Variants in IDUA observed in about 807,000 individuals in gnomAD.
The protein encoded by IDUA is alpha-L-iduronidase, also known as iduronidase alpha-L-.
IDUA carries 65 observed loss-of-function variants against 68.9 expected under a neutral mutation model. The observed-to-expected ratio is 0.94, with a 90% CI of 0.77 to 1.16. The LOEUF (loss-of-function observed/expected upper bound fraction) is 1.16, where lower values mean the gene tolerates loss of function less well. Ranked by LOEUF, IDUA falls within the 50% of genes most tolerant of loss-of-function variation. The pLI is 0.00. For missense variants in IDUA, 1,046 were observed against 938.0 expected (o/e 1.12, Z -1.50); for synonymous variants, 529 against 433.6 (o/e 1.22, Z -2.73).
chr4:1,001,624 A>G, intron 5 of IDUA, 55 bp from the exon 6 acceptor site: 1 of 1,608,476 alleles, frequency 6.2e-7, no homozygotes, highest in East Asian at 2.2e-5. Flanking sequence ...GCAGGAGCAG[A>G]GGCTAAGCCG....
At chr4:996,703 C>T (rs1175954168) in intron 2 of IDUA, among the ~76,000 whole-genome samples, 2 of 152,208 alleles carry the variant, frequency 1.3e-5, no homozygotes, top group African/African-American at 4.8e-5. Context: ...ATCCTTGGGG[C>T]CTGACCTGCC....
rs1713794298 is a variant in IDUA at position 987,184 on chromosome 4, G to C, written c.100G>C (p.Val34Leu). ...APAEAPHLVH[V>L]DAARALWPLR... Reference sequence around the variant, plus strand: ...GGCCGAGGCCCCGCACCTGGTGCATGTGGACGCGGCCCGCGCGCTGTGGCC... The same window carrying C: ...GGCCGAGGCCCCGCACCTGGTGCATCTGGACGCGGCCCGCGCGCTGTGGCC... Residue 34 changes from valine to leucine, a missense_variant, in exon 1 of 14, where the codon GTG becomes CTG. Val to Leu is a conservative substitution (Grantham distance 32). Transcript: ENST00000514224. The C allele has an allele frequency of 6.8e-7, 1 of 1,473,610 alleles. No individual in the cohort carries two copies. The highest frequency in any genetic ancestry group is 3.0e-5 in the East Asian group (1 of 33,734). 91.3% of individuals were successfully genotyped at this position (1,473,610 alleles called of 1,614,324 possible). A position where few individuals can be genotyped will look rare whatever the true frequency, so the allele number is the denominator to read the frequency against.
intron 2 of IDUA, among the ~76,000 whole-genome samples, chr4:998,515 C>T (rs935614683): frequency 1.2e-4 from 18 of 152,276 alleles, no homozygotes; most frequent in South Asian, 6.2e-4. Flanking sequence ...GCGTGGCGTC[C>T]GCAGGAAGCC....
intron 2 of IDUA, chr4:990,522 G>A: frequency 4.3e-6 from 3 of 704,418 alleles, no homozygotes. Flanking sequence ...ACACGGGCCT[G>A]AGTTCTGGTT....
Position 989,396 on chromosome 4 carries a change from G to A in IDUA, c.299+1447G>A, listed in dbSNP as rs375537240. 1.0e-4 allele frequency: 161 copies of A among 1,564,368 alleles called. No individual in the cohort carries two copies. Among genetic ancestry groups the A allele is most frequent in the Middle Eastern group, 3.3e-4 (2 of 6,022 alleles). ...TCGTAGAAGGCCGTGTCCCCGATGC[G>A]GGCCAGCAGGGCGGTGCGTGGGCGT... On this transcript the variant is annotated intron_variant, in intron 2 of 13. Transcript: ENST00000514224.
At chr4:996,547 GT>G (rs1714753218) in intron 2 of IDUA, among the ~76,000 whole-genome samples, 2 of 152,200 alleles carry the variant, frequency 1.3e-5, no homozygotes, top group Non-Finnish European at 2.9e-5. Context: ...CTGTGGTGAG[GT>G]TTTAGGCAGG....
chr4:992,134 C>T lies in IDUA; in HGVS notation c.299+4185C>T, dbSNP rs185927467. The T allele has an allele frequency of 6.4e-5, 31 of 482,364 alleles. 1 individual carries two copies. In the East Asian group the frequency reaches 6.7e-4, roughly 10 times the overall value. The allele number at this position is 482,364 out of a possible 1,614,324, so 29.9% of individuals were successfully genotyped here. A position where few individuals can be genotyped will look rare whatever the true frequency, so the allele number is the denominator to read the frequency against. ...GCAGGAACAGGCTGGGCTGCCACCA[C>T]GCACATGTGCCTACCGTCAGAATGT... On this transcript the variant is annotated intron_variant, in intron 2 of 13. Transcript: ENST00000514224.
chr4:996,277 C>CA (rs1714740738), intron 2 of IDUA, among the ~76,000 whole-genome samples: 1 of 152,188 alleles, frequency 6.6e-6, no homozygotes, highest in Admixed American at 6.5e-5. Flanking sequence ...CAGATAAGGG[C>CA]CCCTCTGGGT....
rs574025652 is a variant in IDUA, at chr4:1,000,628, G to T, written c.316G>T (p.Gly106Cys). 6.2e-7 allele frequency: 1 copy of T among 1,612,522 alleles called. No homozygotes were observed. Among genetic ancestry groups the T allele is most frequent in the African/African-American group, 1.3e-5 (1 of 74,940 alleles). Residue 106 changes from glycine to cysteine, a missense_variant, in exon 3 of 14, where the codon GGC becomes TGC. Physicochemically the swap from Gly to Cys is radical, Grantham distance 159. Coordinates refer to ENST00000514224, the MANE Select transcript of IDUA (RefSeq NM_000203.5). The stretch of plus-strand genomic sequence containing the variant: ...CTTCTGCAGGGGGTCCACTGGACGG[G>T]GCCTGAGCTACAACTTCACCCACCT... ...LVTTRGSTGR[G>C]LSYNFTHLDG...
At chr4:997,735 C>T (rs1714827656) in intron 2 of IDUA, among the ~76,000 whole-genome samples, 1 of 152,288 alleles carries the variant, frequency 6.6e-6, no homozygotes, top group Non-Finnish European at 1.5e-5. Flanking sequence ...AAGGCCCCTC[C>T]CAATGGGGGC....
chr4:989,194 AC>A (rs748817496), intron 2 of IDUA: 18 of 1,605,672 alleles, frequency 1.1e-5, no homozygotes, highest in East Asian at 2.2e-5. Context: ...TCCCTCACCG[AC>A]CCCCGTCTCT....
chr4:1,001,134 G>C (rs1715047151), intron 4 of IDUA, 145 bp downstream of exon 4: 2 of 678,260 alleles, frequency 2.9e-6, no homozygotes, highest in East Asian at 5.5e-5. Context: ...GGTGACAAGG[G>C]ATAGGTTGGT....
At chr4:1,003,773 A>C (rs1715274532) in intron 12 of IDUA, 148 bp downstream of exon 12, 2 of 934,772 alleles carry the variant, frequency 2.1e-6, no homozygotes, top group African/African-American at 1.6e-5. Flanking sequence ...TTCACCCCAC[A>C]CACTGTGGGC....
In IDUA at chr4:1,001,721, C is replaced by T; in HGVS notation, c.632C>T (p.Ala211Val). The change falls in exon 6 of 14, where the codon GCC becomes GTC. Residue 211 changes from alanine to valine, a missense_variant. Transcript: ENST00000514224. The part of the protein sequence containing the change: ...YYDACSEGLR[A>V]ASPALRLGGP... The stretch of plus-strand genomic sequence containing the variant: ...GATGCCTGCTCGGAGGGTCTGCGCG[C>T]CGCCAGCCCCGCCCTGCGGCTGGGA... The T allele has an allele frequency of 1.3e-6, 2 of 1,598,752 alleles. No individual in the cohort carries two copies. The highest frequency in any genetic ancestry group is 1.7e-6 in the Non-Finnish European group (2 of 1,178,568).
rs56926094 is a variant in IDUA, at chr4:1,000,370, C to T, written c.300-242C>T. ...GAGCCTCAGAGCCATTCCGAACCCCCACCCCAAGTTTTCCATCTCTTGATG... is the reference window on the plus strand; with the variant it reads ...GAGCCTCAGAGCCATTCCGAACCCCTACCCCAAGTTTTCCATCTCTTGATG... On this transcript the variant is annotated intron_variant, in intron 2 of 13. Coordinates refer to ENST00000514224, the MANE Select transcript of IDUA (RefSeq NM_000203.5). 3.8e-3 allele frequency among the ~76,000 whole-genome samples: 583 copies of T among 152,352 alleles called. 8 individuals are homozygous for T. Among genetic ancestry groups the T allele is most frequent in the African/African-American group, 0.013 (560 of 41,576 alleles).
In IDUA at chr4:1,002,037, T is replaced by C. The variant is rs555091763; in HGVS notation, c.848T>C (p.Ile283Thr). 1.6e-5 allele frequency: 26 copies of C among 1,598,496 alleles called. No individual in the cohort carries two copies. In the South Asian group the frequency reaches 2.8e-4, roughly 17 times the overall value. The change falls in exon 7 of 14, where the codon ATC becomes ACC. Residue 283 changes from isoleucine (I) to threonine (T), a missense_variant. Transcript: ENST00000514224. ...CAGGAGAAGGTCGTCGCGCAGCAGA[T>C]CCGGCAGCTCTTCCCCAAGTTCGCG... ...LEQEKVVAQQ[I>T]RQLFPKFADT...
intron 12 of IDUA, 142 bp from the exon 13 acceptor site, chr4:1,003,870 A>C: frequency 1.2e-6 from 1 of 856,014 alleles, no homozygotes. Context: ...CTGCCTGGGC[A>C]GGAAGAGTGC....
At chr4:998,246 A>C (rs779640255) in intron 2 of IDUA, among the ~76,000 whole-genome samples, 1 of 152,140 alleles carries the variant, frequency 6.6e-6, no homozygotes, top group Admixed American at 6.5e-5. Context: ...GCAGGAGCCC[A>C]CACCCAAAGG....
In IDUA at chr4:1,002,154, T is replaced by A. The variant is rs76722191; in HGVS notation, c.965T>A (p.Val322Glu). 5.1e-4 allele frequency: 788 copies of A among 1,556,798 alleles called. 2 individuals are homozygous for A. In the African/African-American group the frequency reaches 8.8e-3, roughly 17 times the overall value. The change falls in exon 7 of 14, where the codon GTG becomes GAG. Residue 322 changes from valine (V) to glutamate (E), a missense_variant. Val to Glu is a moderately radical substitution (Grantham distance 121). Coordinates refer to ENST00000514224, the MANE Select transcript of IDUA (RefSeq NM_000203.5). ...WRADVTYAAM[V>E]VKVIAQHQNL... ...GCGGACGTGACCTACGCGGCCATGG[T>A]GGTGAAGGTGGGCCGGCCCAACGCC...
Sources: allele counts gnomAD v4.1 joint callset (sites outside exome capture counted in the v4.1 genomes callset), GRCh38; gene constraint gnomAD v4.1.1; transcripts MANE v1.5; gene names NCBI Gene and HGNC (gene_info 2026-07-23, HGNC 2026-07-21).